FAM110B: variants seen among roughly 807,000 people sequenced by gnomAD.
FAM110B encodes the protein protein FAM110B.
Under a neutral mutation model 20.4 loss-of-function variants are expected in FAM110B, and 6 were observed. The ratio of observed to expected loss-of-function variants is 0.29; its 90% CI spans 0.16 to 0.58. The LOEUF is 0.58. Ranked by LOEUF, FAM110B falls within the 20% of genes least tolerant of loss-of-function variation. The pLI, the probability that FAM110B is intolerant of heterozygous loss-of-function variation, is 0.90. For missense variants in FAM110B, 434 were observed against 498.2 expected (o/e 0.87, Z 1.23); for synonymous variants, 226 against 214.1 (o/e 1.06, Z -0.49).
intron 3 of FAM110B, among the ~76,000 whole-genome samples, chr8:58,084,190 G>A (rs1806272810): frequency 6.6e-6 from 1 of 152,026 alleles, no homozygotes; most frequent in African/African-American, 2.4e-5. Context: ...CATATATAGT[G>A]GAGGAAAAAA....
intron 3 of FAM110B, among the ~76,000 whole-genome samples, chr8:58,124,728 C>T (rs146112132): frequency 0.012 from 1,798 of 152,266 alleles, 21 homozygotes; most frequent in Middle Eastern, 0.02. Context: ...GTTTTCAAAA[C>T]TTTTCCCATC....
In FAM110B at chr8:58,147,199, C is replaced by T. The variant is rs773465680; in HGVS notation, c.969C>T (p.Asp323=). The change falls in exon 4 of 4, where the codon GAC becomes GAT. Residue 323 remains aspartate (D), a synonymous_variant. Coordinates refer to ENST00000519262, the MANE Select transcript of FAM110B (RefSeq NM_001377989.1). ...MISSDCEQSQ[D]SNSDLRNDDS... is the part of the protein sequence containing the mutation. ...GCTCAGACTGTGAACAGTCTCAGGA[C>T]AGTAACAGTGACCTTAGAAATGATG... 1.2e-6 allele frequency: 2 copies of T among 1,613,978 alleles called. No individual in the cohort carries two copies. Among genetic ancestry groups the T allele is most frequent in the African/African-American group, 2.7e-5 (2 of 74,934 alleles).
chr8:58,093,799 C>T (rs1806548081), intron 3 of FAM110B, among the ~76,000 whole-genome samples: 1 of 152,136 alleles, frequency 6.6e-6, no homozygotes, highest in African/African-American at 2.4e-5. Context: ...TCAATGGTAG[C>T]TTGATGGGGA....
chr8:57,998,752 G>C (rs557871387), intron 1 of FAM110B, among the ~76,000 whole-genome samples: 41 of 152,302 alleles, frequency 2.7e-4, no homozygotes, highest in African/African-American at 9.4e-4. Context: ...TTCATTCTTT[G>C]TGAATGTTAA....
intron 2 of FAM110B, among the ~76,000 whole-genome samples, chr8:58,057,381 G>C (rs1176825007): frequency 6.6e-6 from 1 of 152,212 alleles, no homozygotes; most frequent in Non-Finnish European, 1.5e-5. Flanking sequence ...CATTTAGGCA[G>C]CTGAGCACAA....
chr8:58,060,373 G>A (rs897445632), intron 2 of FAM110B, among the ~76,000 whole-genome samples: 10 of 152,108 alleles, frequency 6.6e-5, no homozygotes, highest in African/African-American at 2.4e-4. Flanking sequence ...CTGCAATTTA[G>A]GTCAGGGAAT....
At position 58,108,694 on chromosome 8, in the gene FAM110B, G is replaced by T. The variant is rs181622849; in HGVS notation, c.-325+33071G>T. ...AGCTCCTGCTCCTCCTGTCTCATCC[G>T]GGGGCGGTGAATTCCCCATATTCAT... On this transcript the variant is annotated intron_variant, in intron 3 of 3. Transcript: ENST00000519262. 1.0e-3 allele frequency among the ~76,000 whole-genome samples: 152 copies of T among 152,264 alleles called. 1 individual carries two copies. Among genetic ancestry groups the T allele is most frequent in the African/African-American group, 3.5e-3 (147 of 41,554 alleles).
chr8:58,113,813 G>A (rs1807126101), intron 3 of FAM110B, among the ~76,000 whole-genome samples: 2 of 152,190 alleles, frequency 1.3e-5, no homozygotes, highest in African/African-American at 4.8e-5. Flanking sequence ...GATTTTTAAT[G>A]TCACTTCATA....
chr8:58,083,012 T>TAA lies in FAM110B; in HGVS notation c.-325+7405_-325+7406dup, dbSNP rs771811665. On this transcript the variant is annotated intron_variant, in intron 3 of 3. Coordinates refer to ENST00000519262, the MANE Select transcript of FAM110B (RefSeq NM_001377989.1). ...TGACACAGAGCAAGACCCTGATTCT[T>TAA]AAAAAAAAAAAAAAAAATTAAGGAG... Among the ~76,000 whole-genome samples, 22 of 136,962 alleles carry TAA rather than the reference T, an allele frequency of 1.6e-4. 1 individual carries two copies. The South Asian group carries it at 2.6e-3, about 16-fold the overall frequency. The allele number at this position is 136,962 out of a possible 152,430, so 89.9% of individuals were successfully genotyped here.
In FAM110B at chr8:58,031,655, T is replaced by G. The variant is rs1466012630; in HGVS notation, c.-462T>G. ...GCAGCATTCTTGTTCTGTCTACGTC[T>G]TGAATTAGAAACTATCAAGCTCTGT... On this transcript the variant is annotated 5_prime_UTR_variant, in exon 2 of 4. Transcript: ENST00000519262. 1 of 152,202 alleles carries G rather than the reference T, an allele frequency of 6.6e-6. No homozygotes were observed. The highest frequency in any genetic ancestry group is 1.9e-4 in the East Asian group (1 of 5,194). The allele number at this position is 152,202 out of a possible 1,614,324, so 9.4% of individuals were successfully genotyped here.
intron 3 of FAM110B, among the ~76,000 whole-genome samples, chr8:58,086,701 A>G (rs1806345784): frequency 6.6e-6 from 1 of 152,222 alleles, no homozygotes; most frequent in South Asian, 2.1e-4. Context: ...AAAATACTCT[A>G]CAAACTGCCA....
chr8:58,007,700 A>T (rs1242538863), intron 1 of FAM110B, among the ~76,000 whole-genome samples: 1 of 152,208 alleles, frequency 6.6e-6, no homozygotes, highest in East Asian at 1.9e-4. Flanking sequence ...CCTGGGAACC[A>T]GGAAGGGGAC....
chr8:58,018,513 C>T lies in FAM110B; in HGVS notation c.-511-13093C>T, dbSNP rs1448294273. On this transcript the variant is annotated intron_variant, in intron 1 of 3. Transcript: ENST00000519262. ...CCTCATCTTTATCCTTTAAATGTGT[C>T]TCTTATAGTGTACAGTTAGATAGTG... is the stretch of plus-strand genomic sequence containing the variant. Among the ~76,000 whole-genome samples the T allele has an allele frequency of 2.0e-5, 3 of 151,888 alleles. 1 individual carries two copies. Among genetic ancestry groups the T allele is most frequent in the Non-Finnish European group, 4.4e-5 (3 of 67,952 alleles).
At chr8:58,008,675 C>A (rs1185373696) in intron 1 of FAM110B, among the ~76,000 whole-genome samples, 1 of 152,176 alleles carries the variant, frequency 6.6e-6, no homozygotes, top group African/African-American at 2.4e-5. Flanking sequence ...CTGTGGAACA[C>A]TAGAACTGAT....
intron 3 of FAM110B, among the ~76,000 whole-genome samples, chr8:58,080,232 T>C (rs1381952838): frequency 1.3e-5 from 2 of 152,162 alleles, no homozygotes; most frequent in Non-Finnish European, 2.9e-5. Flanking sequence ...GGGTCATACA[T>C]GCAACAGGAA....
chr8:58,056,384 A>T (rs1194306938), intron 2 of FAM110B, among the ~76,000 whole-genome samples: 15 of 152,174 alleles, frequency 9.9e-5, no homozygotes, highest in Admixed American at 9.8e-4. Flanking sequence ...TGCCATTTCA[A>T]TTTCTTCAGG....
intron 3 of FAM110B, among the ~76,000 whole-genome samples, chr8:58,115,915 C>G (rs1465221451): frequency 2.0e-5 from 3 of 152,120 alleles, no homozygotes; most frequent in African/African-American, 7.2e-5. Context: ...CAGAGAAAGG[C>G]CCAGATTGGA....
At chr8:58,107,051 C>A (rs749898948) in intron 3 of FAM110B, among the ~76,000 whole-genome samples, 5 of 151,374 alleles carry the variant, frequency 3.3e-5, no homozygotes, top group African/African-American at 7.3e-5. Flanking sequence ...ACAGCCATAA[C>A]CTCACAAAGC....
intron 3 of FAM110B, among the ~76,000 whole-genome samples, chr8:58,106,934 G>T (rs1298195745): frequency 6.6e-6 from 1 of 152,200 alleles, no homozygotes; most frequent in Non-Finnish European, 1.5e-5. Flanking sequence ...CGATAAGCGA[G>T]TTTTAACGCT....
Sources: gnomAD v4.1 joint callset for allele counts (sites outside exome capture counted in the v4.1 genomes callset) on GRCh38, gnomAD v4.1.1 for gene constraint, MANE v1.5 for transcripts, NCBI Gene and HGNC (gene_info 2026-07-23, HGNC 2026-07-21) for gene names.